Variants in AUTS2 observed in about 807,000 individuals in gnomAD.
AUTS2 encodes the protein activator of transcription and developmental regulator AUTS2.
In AUTS2, 17 loss-of-function variants were observed where a neutral mutation model predicts 112.4. The ratio of observed to expected loss-of-function variants is 0.15; its 90% CI spans 0.10 to 0.23. AUTS2 has a LOEUF of 0.23. Among genes scored for constraint, AUTS2 ranks in the 10% least tolerant of loss-of-function variants. AUTS2 has a pLI of 1.00. For synonymous variants in AUTS2, 751 were observed against 702.7 expected (o/e 1.07, Z -1.09); for missense variants, 1,510 against 1,701.6 (o/e 0.89, Z 1.98).
chr7:69,863,617 C>A (rs1427059202), intron 1 of AUTS2, among the ~76,000 whole-genome samples: 1 of 152,194 alleles, frequency 6.6e-6, no homozygotes, highest in South Asian at 2.1e-4. Flanking sequence ...CTTACAGAAA[C>A]CATGCCCCCA....
intron 5 of AUTS2, among the ~76,000 whole-genome samples, chr7:70,493,325 T>G (rs1798323336): frequency 6.6e-6 from 1 of 152,228 alleles, no homozygotes; most frequent in Admixed American, 6.5e-5. Context: ...TGCAGTAGCA[T>G]GTGAGTACAT....
intron 14 of AUTS2, among the ~76,000 whole-genome samples, chr7:70,780,258 C>T (rs1370373673): frequency 6.6e-6 from 1 of 152,136 alleles, no homozygotes; most frequent in Non-Finnish European, 1.5e-5. Flanking sequence ...GTGCAAGGGC[C>T]TCCAGCCTAG....
chr7:70,393,451 G>A (rs1793952343), intron 4 of AUTS2, among the ~76,000 whole-genome samples: 1 of 151,940 alleles, frequency 6.6e-6, no homozygotes, highest in African/African-American at 2.4e-5. Context: ...GTATTTCACT[G>A]GATCTTACTG....
At chr7:70,602,907 C>T (rs1411959240) in intron 5 of AUTS2, among the ~76,000 whole-genome samples, 1 of 152,134 alleles carries the variant, frequency 6.6e-6, no homozygotes, top group East Asian at 1.9e-4. Context: ...AGGTTGATGT[C>T]CTTTGAGTCC....
chr7:70,160,145 T>A (rs1051283003), intron 4 of AUTS2, among the ~76,000 whole-genome samples: 8 of 152,210 alleles, frequency 5.3e-5, no homozygotes, highest in African/African-American at 1.7e-4. Context: ...TTTGCCCAAA[T>A]ATTATCTGTA....
chr7:69,936,766 T>C (rs1796430261), intron 2 of AUTS2, among the ~76,000 whole-genome samples: 1 of 152,190 alleles, frequency 6.6e-6, no homozygotes, highest in South Asian at 2.1e-4. Context: ...TTGACATCAG[T>C]GGTAAATACA....
At position 70,342,840 on chromosome 7, in the gene AUTS2, T is replaced by C. The variant is rs139411500; in HGVS notation, c.661-92912T>C. On this transcript the variant is annotated intron_variant, in intron 4 of 18. Transcript: ENST00000342771. Reference sequence around the variant, plus strand: ...GACTTTTTCCAGTGCTGTCTGGAGTTTGACACAAGGCATTCCCTTGGCTTG... The same window carrying C: ...GACTTTTTCCAGTGCTGTCTGGAGTCTGACACAAGGCATTCCCTTGGCTTG... 1.2e-3 allele frequency among the ~76,000 whole-genome samples: 188 copies of C among 152,298 alleles called. 1 individual carries two copies. The highest frequency in any genetic ancestry group is 3.8e-3 in the African/African-American group (157 of 41,566).
intron 2 of AUTS2, among the ~76,000 whole-genome samples, chr7:69,982,913 G>A (rs1308225248): frequency 6.6e-6 from 1 of 152,176 alleles, no homozygotes; most frequent in African/African-American, 2.4e-5. Context: ...ATTTTATAGT[G>A]GCAAGGACAG....
intron 2 of AUTS2, among the ~76,000 whole-genome samples, chr7:70,033,037 A>G (rs1273381977): frequency 6.6e-6 from 1 of 152,166 alleles, no homozygotes; most frequent in Non-Finnish European, 1.5e-5. Flanking sequence ...GGGGTGAAAC[A>G]TGAGAGGGAT....
chr7:70,388,176 T>C (rs1793698168), intron 4 of AUTS2, among the ~76,000 whole-genome samples: 1 of 152,212 alleles, frequency 6.6e-6, no homozygotes, highest in African/African-American at 2.4e-5. Flanking sequence ...AAATTCTTTC[T>C]CTTCCATGAA....
chr7:70,182,239 G>A (rs10268924), intron 4 of AUTS2, among the ~76,000 whole-genome samples: 49,544 of 151,846 alleles, frequency 0.33, 8,790 homozygotes, highest in African/African-American at 0.47. Context: ...CTTTTCTCCT[G>A]TTTACATCTC....
chr7:70,397,640 C>T (rs1794146838), intron 4 of AUTS2, among the ~76,000 whole-genome samples: 1 of 149,862 alleles, frequency 6.7e-6, no homozygotes. Context: ...CATATGTATA[C>T]AACTCCTTAC....
chr7:70,280,785 T>C (rs1324111882), intron 4 of AUTS2, among the ~76,000 whole-genome samples: 1 of 152,164 alleles, frequency 6.6e-6, no homozygotes, highest in Non-Finnish European at 1.5e-5. Context: ...GAAACCTATA[T>C]TGACAGCCAG....
At chr7:70,300,506 A>C (rs894697696) in intron 4 of AUTS2, among the ~76,000 whole-genome samples, 1 of 152,188 alleles carries the variant, frequency 6.6e-6, no homozygotes. Flanking sequence ...AAAATTGTGA[A>C]TGCTTCTCAG....
At chr7:70,693,424 G>A (rs1402678053) in intron 5 of AUTS2, among the ~76,000 whole-genome samples, 1 of 152,216 alleles carries the variant, frequency 6.6e-6, no homozygotes, top group Non-Finnish European at 1.5e-5. Context: ...GATGCAGGGT[G>A]TGCACGTGTC....
intron 5 of AUTS2, among the ~76,000 whole-genome samples, chr7:70,443,637 A>G (rs575981722): frequency 6.6e-6 from 1 of 152,328 alleles, no homozygotes; most frequent in East Asian, 1.9e-4. Flanking sequence ...CTCTCAAGCA[A>G]CTGAAGGAAA....
At chr7:70,599,778 A>G (rs38315) in intron 5 of AUTS2, among the ~76,000 whole-genome samples, 37,353 of 152,080 alleles carry the variant, frequency 0.25, 4,744 homozygotes, top group African/African-American at 0.32. Context: ...GAAGCTACAC[A>G]GCTAGGTCAG....
At chr7:70,442,195 C>G (rs998806007) in intron 5 of AUTS2, among the ~76,000 whole-genome samples, 3 of 152,144 alleles carry the variant, frequency 2.0e-5, no homozygotes, top group African/African-American at 7.2e-5. Context: ...TTGCACAGTG[C>G]TTGATATGAA....
intron 1 of AUTS2, among the ~76,000 whole-genome samples, chr7:69,738,367 C>A (rs11762049): frequency 0.076 from 11,579 of 152,086 alleles, 599 homozygotes; most frequent in African/African-American, 0.14. Context: ...GTTTACTTCC[C>A]ACAATGACCC....
Sources: allele counts gnomAD v4.1 joint callset (sites outside exome capture counted in the v4.1 genomes callset), GRCh38; gene constraint gnomAD v4.1.1; transcripts MANE v1.5; gene names NCBI Gene and HGNC (gene_info 2026-07-23, HGNC 2026-07-21).